ZBTB20: variants seen among roughly 807,000 people sequenced by gnomAD.
ZBTB20 encodes zinc finger and BTB domain containing 20.
Under a neutral mutation model 56.9 loss-of-function variants are expected in ZBTB20, and 9 were observed. That is an observed-to-expected ratio of 0.16 (90% CI 0.10 to 0.28). ZBTB20 has a LOEUF of 0.28. Among genes scored for constraint, ZBTB20 ranks in the 10% least tolerant of loss-of-function variants. ZBTB20 has a pLI of 1.00. For missense variants in ZBTB20, 655 were observed against 1,003.0 expected (o/e 0.65, Z 4.69); for synonymous variants, 417 against 420.7 (o/e 0.99, Z 0.11).
rs72952516 is a variant in ZBTB20, at chr3:114,467,651, A to C, written c.-255+32701T>G. Among the ~76,000 whole-genome samples, 489 of 152,324 alleles carry C rather than the reference A, an allele frequency of 3.2e-3. 2 individuals carry two copies. The highest frequency in any genetic ancestry group is 0.011 in the African/African-American group (458 of 41,564). Reference sequence around the variant, plus strand: ...CATGCATACAATCACACACATAAACAAACATTATTTTTTCCTAGGAAAAAT... The same window carrying C: ...CATGCATACAATCACACACATAAACCAACATTATTTTTTCCTAGGAAAAAT... On this transcript the variant is annotated intron_variant, in intron 7 of 11. Transcript: ENST00000675478.
chr3:114,505,381 G>C (rs1283269831), intron 6 of ZBTB20, among the ~76,000 whole-genome samples: 1 of 152,164 alleles, frequency 6.6e-6, no homozygotes, highest in Non-Finnish European at 1.5e-5. Flanking sequence ...ATTGTGAATA[G>C]AAAAGGGAGA....
intron 6 of ZBTB20, among the ~76,000 whole-genome samples, chr3:114,508,093 A>C (rs2044860293): frequency 6.6e-6 from 1 of 152,184 alleles, no homozygotes; most frequent in Non-Finnish European, 1.5e-5. Context: ...TTTCCAATTA[A>C]AGAAAAAGTT....
intron 4 of ZBTB20, among the ~76,000 whole-genome samples, chr3:114,855,879 A>C (rs1001252206): frequency 3.9e-5 from 6 of 152,014 alleles, no homozygotes; most frequent in Non-Finnish European, 5.9e-5. Context: ...GTCAGTCAAA[A>C]CAACAACAAC....
chr3:114,442,609 C>T (rs981792047), intron 7 of ZBTB20, among the ~76,000 whole-genome samples: 2 of 152,140 alleles, frequency 1.3e-5, no homozygotes, highest in Non-Finnish European at 2.9e-5. Flanking sequence ...CTCACAAATA[C>T]CAGCTTATTC....
intron 2 of ZBTB20, among the ~76,000 whole-genome samples, chr3:115,060,045 A>G (rs542686741): frequency 1.3e-5 from 2 of 152,290 alleles, no homozygotes; most frequent in East Asian, 3.9e-4. Context: ...ATTTAAGACG[A>G]CAAGATCAAA....
At chr3:114,605,766 G>C (rs940440973) in intron 6 of ZBTB20, among the ~76,000 whole-genome samples, 1 of 152,072 alleles carries the variant, frequency 6.6e-6, no homozygotes, top group Non-Finnish European at 1.5e-5. Flanking sequence ...AAACTTAAAG[G>C]ATGGAAGAAG....
intron 2 of ZBTB20, among the ~76,000 whole-genome samples, chr3:115,042,599 C>T (rs2081184342): frequency 6.6e-6 from 1 of 152,208 alleles, no homozygotes. Context: ...ACCCTTTTCA[C>T]CAACTGAATA....
chr3:114,526,732 T>G (rs541470533), intron 6 of ZBTB20, among the ~76,000 whole-genome samples: 1 of 152,272 alleles, frequency 6.6e-6, no homozygotes, highest in South Asian at 2.1e-4. Context: ...TTTGCCAACA[T>G]TATGTATAAT....
intron 5 of ZBTB20, chr3:114,743,335 C>T (rs1158519391): frequency 6.6e-6 from 1 of 152,060 alleles, no homozygotes; most frequent in African/African-American, 2.4e-5. Flanking sequence ...CTTTACAATG[C>T]TTTTTCACTT....
rs1318194600 is a variant in ZBTB20, at chr3:114,350,532, G to A, written c.1546C>T (p.Pro516Ser). 20 of 1,614,160 alleles carry A rather than the reference G, an allele frequency of 1.2e-5. No homozygotes were observed. Among genetic ancestry groups the A allele is most frequent in the Non-Finnish European group, 1.7e-5 (20 of 1,180,034 alleles). The change falls in exon 11 of 12, where the codon CCC becomes TCC. Residue 516 changes from proline to serine, a missense_variant. By Grantham distance (74) the Pro-to-Ser change is moderately conservative (BLOSUM62 -1). Transcript: ENST00000675478. ...TYLPALFTTQPAGSGPKPFLF... is the reference protein window; with the variant it reads ...TYLPALFTTQSAGSGPKPFLF... Reference sequence around the variant, plus strand: ...AAAGGCTTGGGGCCACTGCCCGCGGGCTGGGTAGTGAAGAGGGCTGGCAGG... The same window carrying A: ...AAAGGCTTGGGGCCACTGCCCGCGGACTGGGTAGTGAAGAGGGCTGGCAGG...
At chr3:114,936,999 A>G (rs2076556528) in intron 3 of ZBTB20, among the ~76,000 whole-genome samples, 1 of 152,262 alleles carries the variant, frequency 6.6e-6, no homozygotes, top group Non-Finnish European at 1.5e-5. Flanking sequence ...AGAGATCTGC[A>G]TGCAGGAAAG....
At chr3:114,393,085 T>C (rs928737190) in intron 7 of ZBTB20, among the ~76,000 whole-genome samples, 1 of 152,236 alleles carries the variant, frequency 6.6e-6, no homozygotes, top group Non-Finnish European at 1.5e-5. Context: ...TTTTGGCCAG[T>C]ATGGTGGAGC....
chr3:114,972,632 C>A (rs1015635890), intron 3 of ZBTB20, among the ~76,000 whole-genome samples: 3 of 152,050 alleles, frequency 2.0e-5, no homozygotes, highest in Non-Finnish European at 4.4e-5. Flanking sequence ...GTCTTCAGGT[C>A]TTTTAATGTA....
At chr3:115,039,403 A>C (rs1395615169) in intron 2 of ZBTB20, among the ~76,000 whole-genome samples, 1 of 152,098 alleles carries the variant, frequency 6.6e-6, no homozygotes, top group African/African-American at 2.4e-5. Flanking sequence ...GGCATATACT[A>C]TTAATAAAAT....
intron 5 of ZBTB20, among the ~76,000 whole-genome samples, chr3:114,720,800 A>G (rs16823131): frequency 0.013 from 2,002 of 152,198 alleles, 49 homozygotes; most frequent in African/African-American, 0.045. Context: ...GTGTATGGAG[A>G]CACTGACCTG....
intron 4 of ZBTB20, among the ~76,000 whole-genome samples, chr3:114,856,083 G>T (rs1450412113): frequency 6.6e-6 from 1 of 152,054 alleles, no homozygotes; most frequent in Non-Finnish European, 1.5e-5. Flanking sequence ...TTAGACAAGT[G>T]GCTTAACCTC....
At chr3:114,857,911 C>A (rs1199689709) in intron 4 of ZBTB20, among the ~76,000 whole-genome samples, 2 of 152,108 alleles carry the variant, frequency 1.3e-5, no homozygotes, top group Non-Finnish European at 2.9e-5. Flanking sequence ...CCCTTTGTTC[C>A]ACTTAAAAAT....
At chr3:114,532,690 C>T (rs1379431580) in intron 6 of ZBTB20, among the ~76,000 whole-genome samples, 1 of 152,204 alleles carries the variant, frequency 6.6e-6, no homozygotes, top group African/African-American at 2.4e-5. Context: ...TGCCTCCTCA[C>T]TGGGAGACAC....
At chr3:114,573,489 G>A (rs2053661846) in intron 6 of ZBTB20, among the ~76,000 whole-genome samples, 2 of 127,138 alleles carry the variant, frequency 1.6e-5, no homozygotes. Context: ...AAGAAAGACA[G>A]AAAGAAAGAT....
Sources: gnomAD v4.1 joint callset for allele counts (sites outside exome capture counted in the v4.1 genomes callset) on GRCh38, gnomAD v4.1.1 for gene constraint, MANE v1.5 for transcripts, NCBI Gene and HGNC (gene_info 2026-07-23, HGNC 2026-07-21) for gene names.